The following ITGA9 variants were observed in gnomAD, a reference collection of about 807,000 sequenced individuals.
The protein encoded by ITGA9 is integrin subunit alpha 9.
A neutral mutation model predicts 127.8 loss-of-function variants in ITGA9; 56 were observed. That is an observed-to-expected ratio of 0.44 (90% CI 0.35 to 0.55). The LOEUF (loss-of-function observed/expected upper bound fraction) is 0.55. Ranked by LOEUF, ITGA9 falls within the 20% of genes least tolerant of loss-of-function variation. ITGA9 has a pLI of 0.00. For synonymous variants in ITGA9, 508 were observed against 514.5 expected, an observed-to-expected ratio of 0.99 and a Z score of 0.17; for missense variants, 1,196 against 1,347.1, an observed-to-expected ratio of 0.89 and a Z score of 1.76.
intron 26 of ITGA9, among the ~76,000 whole-genome samples, chr3:37,793,379 C>T (rs1697134762): frequency 6.8e-6 from 1 of 146,084 alleles, no homozygotes; most frequent in Non-Finnish European, 1.5e-5. Flanking sequence ...TCCACAGCCC[C>T]AAACAGGTCA....
At chr3:37,465,006 T>C in intron 1 of ITGA9, among the ~76,000 whole-genome samples, 1 of 152,244 alleles carries the variant, frequency 6.6e-6, no homozygotes, top group East Asian at 1.9e-4. Flanking sequence ...TTGACTCATG[T>C]AACCAAAACG....
At chr3:37,715,587 G>T (rs574626137) in intron 18 of ITGA9, among the ~76,000 whole-genome samples, 1 of 152,332 alleles carries the variant, frequency 6.6e-6, no homozygotes, top group East Asian at 1.9e-4. Flanking sequence ...GTAATTAAAT[G>T]AGTCCATGTT....
chr3:37,788,750 T>G (rs1036968316), intron 26 of ITGA9, among the ~76,000 whole-genome samples: 2 of 152,120 alleles, frequency 1.3e-5, no homozygotes, highest in African/African-American at 4.8e-5. Flanking sequence ...CTCTTTCAAC[T>G]AGCATTAACA....
At chr3:37,561,732 G>A (rs1699491826) in intron 15 of ITGA9, among the ~76,000 whole-genome samples, 1 of 152,166 alleles carries the variant, frequency 6.6e-6, no homozygotes, top group South Asian at 2.1e-4. Flanking sequence ...TTTTTCTGGT[G>A]ACCTTGTGCT....
intron 26 of ITGA9, among the ~76,000 whole-genome samples, chr3:37,791,652 T>C (rs1697111754): frequency 6.6e-6 from 1 of 152,194 alleles, no homozygotes. Context: ...GGTTCAGTGA[T>C]ACCAGCATGA....
At chr3:37,795,581 G>A (rs1424697181) in intron 26 of ITGA9, among the ~76,000 whole-genome samples, 6 of 152,154 alleles carry the variant, frequency 3.9e-5, no homozygotes, top group African/African-American at 7.2e-5. Context: ...CCTTGAGACA[G>A]ATCCTCATAC....
chr3:37,666,104 G>T (rs1700583802), intron 17 of ITGA9, among the ~76,000 whole-genome samples: 1 of 152,192 alleles, frequency 6.6e-6, no homozygotes, highest in African/African-American at 2.4e-5. Flanking sequence ...CAGTCTAGAA[G>T]GGGAGACACA....
intron 3 of ITGA9, among the ~76,000 whole-genome samples, 181 bp from the exon 4 acceptor site, chr3:37,481,303 G>A (rs1698551813): frequency 6.6e-6 from 1 of 152,102 alleles, no homozygotes; most frequent in Non-Finnish European, 1.5e-5. Flanking sequence ...GCTCCCAGTG[G>A]CTTGTTCCTG....
chr3:37,581,496 AATG>A (rs1301541131), intron 15 of ITGA9, among the ~76,000 whole-genome samples: 1 of 152,164 alleles, frequency 6.6e-6, no homozygotes, highest in African/African-American at 2.4e-5. Context: ...GGAAAGAGAG[AATG>A]CGTGTTCTTA....
intron 18 of ITGA9, among the ~76,000 whole-genome samples, chr3:37,711,159 A>G (rs1445795010): frequency 6.6e-6 from 1 of 152,140 alleles, no homozygotes; most frequent in Non-Finnish European, 1.5e-5. Context: ...ACTCAGGACC[A>G]AGGACTGGAG....
chr3:37,701,404 A>C (rs967657180), intron 18 of ITGA9, among the ~76,000 whole-genome samples: 2 of 152,224 alleles, frequency 1.3e-5, no homozygotes, highest in Non-Finnish European at 2.9e-5. Flanking sequence ...AGAGAAAAGA[A>C]AACAGGAGAA....
chr3:37,489,919 G>C (rs1698651032), intron 4 of ITGA9, among the ~76,000 whole-genome samples: 1 of 152,176 alleles, frequency 6.6e-6, no homozygotes, highest in Non-Finnish European at 1.5e-5. Context: ...GAGCACACCT[G>C]GACAGGGGAG....
chr3:37,710,018 C>T (rs1298351389), intron 18 of ITGA9, among the ~76,000 whole-genome samples: 1 of 152,038 alleles, frequency 6.6e-6, no homozygotes, highest in Non-Finnish European at 1.5e-5. Flanking sequence ...CTCTGGCTGA[C>T]TCCTTGTGAT....
intron 18 of ITGA9, among the ~76,000 whole-genome samples, chr3:37,713,524 GAAAC>G (rs922473072): frequency 9.2e-5 from 14 of 152,076 alleles, no homozygotes; most frequent in African/African-American, 3.4e-4. Flanking sequence ...AAAAAGACAA[GAAAC>G]AAACAATCTC....
intron 15 of ITGA9, among the ~76,000 whole-genome samples, chr3:37,558,128 G>C (rs2125598141): frequency 6.6e-6 from 1 of 152,370 alleles, no homozygotes; most frequent in East Asian, 1.9e-4. Flanking sequence ...TGGGAGGAAA[G>C]CTCAATGTGG....
chr3:37,689,729 C>T (rs754218734), intron 18 of ITGA9, among the ~76,000 whole-genome samples: 2 of 152,230 alleles, frequency 1.3e-5, no homozygotes, highest in East Asian at 3.8e-4. Flanking sequence ...TGGAGATGTA[C>T]AGCTCTATGG....
chr3:37,733,948 T>C (rs998268891), intron 19 of ITGA9, among the ~76,000 whole-genome samples: 16 of 152,204 alleles, frequency 1.1e-4, no homozygotes, highest in Non-Finnish European at 1.3e-4. Flanking sequence ...AGTGTGAACA[T>C]CCTGTGATTT....
At chr3:37,539,523 T>C (rs747942663) in intron 14 of ITGA9, among the ~76,000 whole-genome samples, 3 of 152,210 alleles carry the variant, frequency 2.0e-5, no homozygotes, top group Non-Finnish European at 4.4e-5. Flanking sequence ...ATGTTGCAGC[T>C]CAAGTCTGAA....
intron 19 of ITGA9, among the ~76,000 whole-genome samples, chr3:37,733,872 C>T (rs1169037136): frequency 6.6e-6 from 1 of 152,236 alleles, no homozygotes; most frequent in Non-Finnish European, 1.5e-5. Flanking sequence ...TTGTTCAGTG[C>T]TGTGTTCACA....
Sources: allele counts gnomAD v4.1 joint callset (sites outside exome capture counted in the v4.1 genomes callset), GRCh38; gene constraint gnomAD v4.1.1; transcripts MANE v1.5; gene names NCBI Gene and HGNC (gene_info 2026-07-23, HGNC 2026-07-21).